KPNA1: variants seen among roughly 807,000 people sequenced by gnomAD.
KPNA1 encodes importin subunit alpha-5.
In KPNA1, 10 loss-of-function variants were observed where a neutral mutation model predicts 70.5. The ratio of observed to expected loss-of-function variants is 0.14; its 90% CI spans 0.09 to 0.24. The LOEUF is 0.24. Among genes scored for constraint, KPNA1 ranks in the 10% least tolerant of loss-of-function variants. The pLI is 1.00. For missense variants in KPNA1, 397 were observed against 637.9 expected (o/e 0.62, Z 4.07); for synonymous variants, 192 against 221.9 (o/e 0.87, Z 1.20).
chr3:122,452,749 C>G (rs2076222721), intron 6 of KPNA1, among the ~76,000 whole-genome samples: 1 of 138,008 alleles, frequency 7.2e-6, no homozygotes. Flanking sequence ...GAAGGAGAGA[C>G]AGAGGGAAGG....
At chr3:122,461,192 G>C in intron 5 of KPNA1, 32 bp downstream of exon 5, 1 of 1,361,580 alleles carries the variant, frequency 7.3e-7, no homozygotes, top group Non-Finnish European at 1.0e-6. Context: ...AAGGAATTAA[G>C]TTATGAGGCA....
At chr3:122,454,327 T>C (rs2076243301) in intron 5 of KPNA1, among the ~76,000 whole-genome samples, 1 of 152,240 alleles carries the variant, frequency 6.6e-6, no homozygotes, top group African/African-American at 2.4e-5. Context: ...TACATTAATA[T>C]GGCATTATAC....
intron 2 of KPNA1, among the ~76,000 whole-genome samples, chr3:122,491,076 C>A (rs2076693135): frequency 6.6e-6 from 1 of 152,182 alleles, no homozygotes. Context: ...TAAAATAATT[C>A]TTCTCTGTGT....
At chr3:122,511,159 G>A (rs1449066759) in intron 1 of KPNA1, among the ~76,000 whole-genome samples, 3 of 152,170 alleles carry the variant, frequency 2.0e-5, no homozygotes, top group Non-Finnish European at 4.4e-5. Flanking sequence ...ATCAATAGAT[G>A]TCAGAGTACT....
At chr3:122,433,341 T>C (rs750873711) in intron 12 of KPNA1, 4 of 222,030 alleles carry the variant, frequency 1.8e-5, no homozygotes, top group Admixed American at 5.7e-5. Context: ...TTCTGACAAG[T>C]AGCTCCAGAG....
chr3:122,492,006 C>A (rs1220462763), intron 2 of KPNA1, among the ~76,000 whole-genome samples: 1 of 150,974 alleles, frequency 6.6e-6, no homozygotes, highest in Non-Finnish European at 1.5e-5. Context: ...GGACTACAGG[C>A]GCGCGCCACC....
chr3:122,488,906 A>C (rs1312896227), intron 2 of KPNA1, among the ~76,000 whole-genome samples: 1 of 151,996 alleles, frequency 6.6e-6, no homozygotes, highest in African/African-American at 2.4e-5. Flanking sequence ...CAATCAGTGG[A>C]TTTACAGTTC....
chr3:122,445,275 C>T (rs572061846), intron 9 of KPNA1, among the ~76,000 whole-genome samples: 6 of 152,036 alleles, frequency 3.9e-5, no homozygotes, highest in Admixed American at 2.0e-4. Flanking sequence ...CTTCAATAGC[C>T]GATTCAATCA....
At chr3:122,437,539 A>G (rs558444294) in intron 10 of KPNA1, among the ~76,000 whole-genome samples, 1 of 152,376 alleles carries the variant, frequency 6.6e-6, no homozygotes, top group Admixed American at 6.5e-5. Flanking sequence ...TAATGTTACT[A>G]TTGTAATTAC....
chr3:122,431,545 T>C (rs1029890660), intron 12 of KPNA1, among the ~76,000 whole-genome samples: 2 of 151,998 alleles, frequency 1.3e-5, no homozygotes, highest in African/African-American at 4.8e-5. Context: ...AGATGTCTTT[T>C]ATAAGTGATA....
chr3:122,451,333 CT>C (rs913932340), intron 8 of KPNA1, among the ~76,000 whole-genome samples, 200 bp downstream of exon 8: 2 of 152,156 alleles, frequency 1.3e-5, no homozygotes, highest in African/African-American at 4.8e-5. Flanking sequence ...AAATGTGCAC[CT>C]TCAAGCTATG....
At chr3:122,489,285 GTTTT>G (rs764980993) in intron 2 of KPNA1, among the ~76,000 whole-genome samples, 12 of 109,558 alleles carry the variant, frequency 1.1e-4, no homozygotes, top group African/African-American at 3.5e-4. Flanking sequence ...TACTTTGTTT[GTTTT>G]TTTTTGTTTG....
In KPNA1 at chr3:122,460,652, A is replaced by G. The variant is rs1443848101; in HGVS notation, c.432+572T>C. On this transcript the variant is annotated intron_variant, in intron 5 of 13. Coordinates refer to ENST00000344337, the MANE Select transcript of KPNA1 (RefSeq NM_002264.4). ...ACTCTGTCTCAAGAAAAAGAAGAAAAAAAAAAAAAAGAAAATTCTGAATCC... is the reference window on the plus strand; with the variant it reads ...ACTCTGTCTCAAGAAAAAGAAGAAAGAAAAAAAAAAGAAAATTCTGAATCC... 1.8e-5 allele frequency: 14 copies of G among 776,756 alleles called. No homozygotes were observed. In the African/African-American group the frequency reaches 1.9e-4, roughly 10 times the overall value. 48.1% of individuals were successfully genotyped at this position (776,756 alleles called of 1,614,324 possible). A position where few individuals can be genotyped will look rare whatever the true frequency, so the allele number is the denominator to read the frequency against.
intron 11 of KPNA1, among the ~76,000 whole-genome samples, chr3:122,434,970 A>G (rs1262439675): frequency 6.6e-6 from 1 of 152,204 alleles, no homozygotes; most frequent in Non-Finnish European, 1.5e-5. Context: ...TTCCTGGTCA[A>G]AAACTCTTAT....
intron 5 of KPNA1, among the ~76,000 whole-genome samples, chr3:122,456,688 T>TA (rs139772375): frequency 0.1 from 15,746 of 151,790 alleles, 999 homozygotes; most frequent in Middle Eastern, 0.15. Flanking sequence ...ATACAGATGG[T>TA]AAAAAAAAGA....
intron 2 of KPNA1, among the ~76,000 whole-genome samples, chr3:122,481,160 A>G (rs2076566352): frequency 6.6e-6 from 1 of 152,230 alleles, no homozygotes; most frequent in Admixed American, 6.5e-5. Flanking sequence ...TACTGTACTA[A>G]GTGCCGTACT....
At chr3:122,508,456 A>C (rs776002372) in intron 1 of KPNA1, among the ~76,000 whole-genome samples, 8 of 152,144 alleles carry the variant, frequency 5.3e-5, no homozygotes, top group Non-Finnish European at 8.8e-5. Flanking sequence ...TTCCTCCTCC[A>C]CTCTTCACAA....
In KPNA1 at chr3:122,499,015, T is replaced by G. The variant is rs142177086; in HGVS notation, c.-5-2445A>C. Among the ~76,000 whole-genome samples, 717 of 152,348 alleles carry G rather than the reference T, an allele frequency of 4.7e-3. 2 individuals carry two copies. Among genetic ancestry groups the G allele is most frequent in the African/African-American group, 0.015 (641 of 41,572 alleles). ...ATTGGAAATGAAATTGTTTTAATTCTCAGACTGTTCACAAATCTAGAAAAA... is the reference window on the plus strand; with the variant it reads ...ATTGGAAATGAAATTGTTTTAATTCGCAGACTGTTCACAAATCTAGAAAAA... On this transcript the variant is annotated intron_variant, in intron 1 of 13. Transcript: ENST00000344337.
chr3:122,436,048 C>T (rs922518403), intron 11 of KPNA1, among the ~76,000 whole-genome samples: 23 of 152,290 alleles, frequency 1.5e-4, no homozygotes, highest in Admixed American at 1.0e-3. Flanking sequence ...TTCTTTTTCT[C>T]AGCAAGGAAC....
Sources: allele counts gnomAD v4.1 joint callset (sites outside exome capture counted in the v4.1 genomes callset), GRCh38; gene constraint gnomAD v4.1.1; transcripts MANE v1.5; gene names NCBI Gene and HGNC (gene_info 2026-07-23, HGNC 2026-07-21).